Variants in USP37 observed in about 807,000 individuals in gnomAD.
USP37 encodes the protein ubiquitin carboxyl-terminal hydrolase 37.
A neutral mutation model predicts 124.0 loss-of-function variants in USP37; 27 were observed. That is an observed-to-expected ratio of 0.22 (90% CI 0.16 to 0.30). The LOEUF (loss-of-function observed/expected upper bound fraction) is 0.30, where lower values mean the gene tolerates loss of function less well. Among genes scored for constraint, USP37 ranks in the 10% least tolerant of loss-of-function variants. The pLI is 1.00. For synonymous variants in USP37, 365 were observed against 388.0 expected (o/e 0.94, Z 0.70); for missense variants, 889 against 1,140.4 (o/e 0.78, Z 3.17).
Position 218,460,954 on chromosome 2 carries a change from A to T in USP37, c.2528-1049T>A, listed in dbSNP as rs142095121. On this transcript the variant is annotated intron_variant, in intron 22 of 25. Transcript: ENST00000258399. ...GACTCTGTCTCAAAAAAATAAAAATAAAAAAAAAATCATTTCTTGAAACGT... is the reference window on the plus strand; with the variant it reads ...GACTCTGTCTCAAAAAAATAAAAATTAAAAAAAAATCATTTCTTGAAACGT... Among the ~76,000 whole-genome samples the T allele has an allele frequency of 6.5e-3, 977 of 150,280 alleles. 10 individuals carry two copies. The highest frequency in any genetic ancestry group is 0.023 in the African/African-American group (937 of 41,028).
At chr2:218,554,583 C>CTTT (rs1692852886) in intron 4 of USP37, among the ~76,000 whole-genome samples, 1 of 151,942 alleles carries the variant, frequency 6.6e-6, no homozygotes, top group Non-Finnish European at 1.5e-5. Flanking sequence ...CCCATCTCTA[C>CTTT]TAAAAAGACA....
chr2:218,506,607 T>TC (rs972357884), intron 11 of USP37, among the ~76,000 whole-genome samples: 4 of 133,894 alleles, frequency 3.0e-5, no homozygotes, highest in African/African-American at 1.2e-4. Context: ...TTATACTTCT[T>TC]TTTTTTTTTT....
intron 18 of USP37, among the ~76,000 whole-genome samples, chr2:218,478,016 C>T (rs1236267658): frequency 1.3e-5 from 2 of 152,070 alleles, no homozygotes; most frequent in East Asian, 3.9e-4. Flanking sequence ...GAGGTTAACA[C>T]AAATTCATAT....
chr2:218,520,444 G>T (rs1327683312), intron 10 of USP37, among the ~76,000 whole-genome samples: 1 of 150,102 alleles, frequency 6.7e-6, no homozygotes, highest in Non-Finnish European at 1.5e-5. Flanking sequence ...CCACCTCCCA[G>T]GTTCAAGCGA....
chr2:218,475,276 A>T (rs1324743910), intron 19 of USP37, among the ~76,000 whole-genome samples: 1 of 152,212 alleles, frequency 6.6e-6, no homozygotes, highest in Non-Finnish European at 1.5e-5. Context: ...TATAAATGTT[A>T]GCTGATCTTA....
At chr2:218,531,420 A>T (rs1293214172) in intron 9 of USP37, among the ~76,000 whole-genome samples, 1 of 152,244 alleles carries the variant, frequency 6.6e-6, no homozygotes, top group Non-Finnish European at 1.5e-5. Flanking sequence ...TGCTCAGAAA[A>T]AAAGATTGTT....
Position 218,454,612 on chromosome 2 carries a change from CCG to C in USP37, c.*316_*317del. 4.4e-6 allele frequency: 1 copy of C among 226,870 alleles called. No individual in the cohort carries two copies. The highest frequency in any genetic ancestry group is 8.4e-6 in the Non-Finnish European group (1 of 119,042). The allele number at this position is 226,870 out of a possible 1,614,324, so 14.1% of individuals were successfully genotyped here. A position where few individuals can be genotyped will look rare whatever the true frequency, so the allele number is the denominator to read the frequency against. On this transcript the variant is annotated 3_prime_UTR_variant, in exon 26 of 26. Transcript: ENST00000258399. ...CTAACTCTTTAAGGCTCCATTCATC[CCG>C]TGTGTGTGTGTGTGTGTCTGTGTGT...
chr2:218,557,991 C>T (rs368502944), intron 4 of USP37, among the ~76,000 whole-genome samples: 34 of 131,882 alleles, frequency 2.6e-4, no homozygotes, highest in African/African-American at 8.0e-4. Context: ...AATGAAGATT[C>T]TTCAAAACTT....
Position 218,459,881 on chromosome 2 carries a change from G to T in USP37, c.2552C>A (p.Ala851Glu). The T allele has an allele frequency of 6.2e-7, 1 of 1,613,528 alleles. No homozygotes were observed. Among genetic ancestry groups the T allele is most frequent in the Non-Finnish European group, 8.5e-7 (1 of 1,179,704 alleles). ...TCCAGAGTCCTCATCAGAACCCAAT[G>T]CATCCACAAAGGAGTTGTTAAACTC... ...LQEFNNSFVD[A>E]LGSDEDSGNE... Residue 851 changes from alanine to glutamate, a missense_variant, in exon 23 of 26, where the codon GCA (alanine) becomes GAA (glutamate). Coordinates refer to ENST00000258399, the MANE Select transcript of USP37 (RefSeq NM_020935.3).
chr2:218,551,756 G>A (rs1234730172), intron 5 of USP37, among the ~76,000 whole-genome samples: 3 of 151,776 alleles, frequency 2.0e-5, no homozygotes, highest in African/African-American at 7.3e-5. Context: ...ACTAGCCTCT[G>A]ACATATTCTA....
intron 1 of USP37, among the ~76,000 whole-genome samples, chr2:218,563,376 G>A (rs1693417586): frequency 6.6e-6 from 1 of 152,096 alleles, no homozygotes; most frequent in African/African-American, 2.4e-5. Flanking sequence ...CTTGTACCTT[G>A]GTTTATTCAT....
In USP37 at chr2:218,526,785, C is replaced by CTTTTTTTTTTT. The variant is rs71064454; in HGVS notation, c.863+3160_863+3170dup. Among the ~76,000 whole-genome samples, 275 of 75,910 alleles carry CTTTTTTTTTTT rather than the reference C, an allele frequency of 3.6e-3. 9 individuals are homozygous for CTTTTTTTTTTT. The highest frequency in any genetic ancestry group is 3.9e-3 in the Non-Finnish European group (172 of 44,140). 49.8% of individuals were successfully genotyped at this position (75,910 alleles called of 152,430 possible). ...AACGTAAGTTTCTTCATTTCATTTG[C>CTTTTTTTTTTT]TTTTTTTTTTTTTTTTTTTTTGGGA... On this transcript the variant is annotated intron_variant, in intron 10 of 25. Transcript: ENST00000258399.
At position 218,450,569 on chromosome 2, in the gene USP37, G is replaced by A. The variant is rs750567639; in HGVS notation, c.*4361C>T. The A allele has an allele frequency of 7.2e-5, 11 of 152,648 alleles. No individual in the cohort carries two copies. Among genetic ancestry groups the A allele is most frequent in the Non-Finnish European group, 1.5e-4 (10 of 68,046 alleles). 9.5% of individuals were successfully genotyped at this position (152,648 alleles called of 1,614,324 possible). A position where few individuals can be genotyped will look rare whatever the true frequency, so the allele number is the denominator to read the frequency against. On this transcript the variant is annotated 3_prime_UTR_variant, in exon 26 of 26. Transcript: ENST00000258399. ...AAGAAACAACAATGACAATAGGCCA[G>A]AGAAGTTAGGGAGGGAAAGAAAAGC...
chr2:218,464,751 C>T (rs1389785204), intron 21 of USP37, among the ~76,000 whole-genome samples: 2 of 152,136 alleles, frequency 1.3e-5, no homozygotes, highest in African/African-American at 4.8e-5. Context: ...AAACAAATGG[C>T]ATAAACTGAA....
In USP37 at chr2:218,568,312, G is replaced by A. The variant is rs941100175; in HGVS notation, c.-364C>T. The stretch of plus-strand genomic sequence containing the variant: ...GAGGCCGCTAGCTACCCCTAGTCAG[G>A]GAGAGCGGCTGATGGCGGGAACTGT... On this transcript the variant is annotated 5_prime_UTR_variant, in exon 1 of 26. Coordinates refer to ENST00000258399, the MANE Select transcript of USP37 (RefSeq NM_020935.3). The A allele has an allele frequency of 1.3e-5, 2 of 152,750 alleles. No homozygotes were observed. The highest frequency in any genetic ancestry group is 2.9e-5 in the Non-Finnish European group (2 of 68,254). The allele number at this position is 152,750 out of a possible 1,614,324, so 9.5% of individuals were successfully genotyped here.
chr2:218,556,503 G>GTTTTTTTTTTT lies in USP37; in HGVS notation c.156+1984_156+1994dup, dbSNP rs34907421. ...GTATTTGGTTACTCTGGGTTTTTCT[G>GTTTTTTTTTTT]TTTTTTTTTTTTTTTTTTTTTTTTT... On this transcript the variant is annotated intron_variant, in intron 4 of 25. Transcript: ENST00000258399. Among the ~76,000 whole-genome samples, 57 of 53,820 alleles carry GTTTTTTTTTTT rather than the reference G, an allele frequency of 1.1e-3. 6 individuals carry two copies. The highest frequency in any genetic ancestry group is 2.0e-3 in the African/African-American group (34 of 16,678). The allele number at this position is 53,820 out of a possible 152,430, so 35.3% of individuals were successfully genotyped here.
chr2:218,509,299 G>C (rs1447204031), intron 11 of USP37, among the ~76,000 whole-genome samples: 1 of 152,106 alleles, frequency 6.6e-6, no homozygotes, highest in Non-Finnish European at 1.5e-5. Flanking sequence ...ATATCACTTT[G>C]AGCAAGTTAA....
At chr2:218,548,863 CTA>C (rs1692516548) in intron 6 of USP37, among the ~76,000 whole-genome samples, 1 of 152,112 alleles carries the variant, frequency 6.6e-6, no homozygotes, top group African/African-American at 2.4e-5. Flanking sequence ...CTTGCTTCTG[CTA>C]TATGTGTTAA....
chr2:218,542,005 C>T (rs1413612581), intron 8 of USP37, among the ~76,000 whole-genome samples: 1 of 152,122 alleles, frequency 6.6e-6, no homozygotes, highest in African/African-American at 2.4e-5. Flanking sequence ...CAACTGGTAA[C>T]CAAAGATGGT....
Sources: allele counts gnomAD v4.1 joint callset (sites outside exome capture counted in the v4.1 genomes callset), GRCh38; gene constraint gnomAD v4.1.1; transcripts MANE v1.5; gene names NCBI Gene and HGNC (gene_info 2026-07-23, HGNC 2026-07-21).